Variants in ATPSCKMT observed in about 807,000 individuals in gnomAD.
ATPSCKMT encodes ATP synthase subunit C lysine N-methyltransferase.
In ATPSCKMT, 24 loss-of-function variants were observed where a neutral mutation model predicts 24.3. That is an observed-to-expected ratio of 0.99 (90% confidence interval 0.71 to 1.39). The LOEUF is 1.39. Ranked by LOEUF, ATPSCKMT falls within the 40% of genes most tolerant of loss-of-function variation. The pLI is 0.00. For synonymous variants in ATPSCKMT, 95 were observed against 110.5 expected (o/e 0.86, Z 0.88); for missense variants, 311 against 298.4 (o/e 1.04, Z -0.31).
At position 10,226,739 on chromosome 5, in the gene ATPSCKMT, C is replaced by T. The variant is rs1743897532; in HGVS notation, c.*702G>A. On this transcript the variant is annotated 3_prime_UTR_variant, in exon 5 of 5. Coordinates refer to ENST00000511437, the MANE Select transcript of ATPSCKMT (RefSeq NM_199133.4). ...GTTTTAGAAATTGGTCCCCACTCCACTGTTATGTGTACCATTATCCCAGTG... is the reference window on the plus strand; with the variant it reads ...GTTTTAGAAATTGGTCCCCACTCCATTGTTATGTGTACCATTATCCCAGTG... 6.6e-6 allele frequency: 1 copy of T among 152,236 alleles called. No individual in the cohort carries two copies. The highest frequency in any genetic ancestry group is 2.4e-5 in the African/African-American group (1 of 41,454). 9.4% of individuals were successfully genotyped at this position (152,236 alleles called of 1,614,324 possible).
chr5:10,243,751 T>C (rs2126461882), intron 1 of ATPSCKMT, among the ~76,000 whole-genome samples: 1 of 152,390 alleles, frequency 6.6e-6, no homozygotes, highest in South Asian at 2.1e-4. Context: ...GGCTTAAAGA[T>C]ATGATGTGGC....
intron 4 of ATPSCKMT, among the ~76,000 whole-genome samples, chr5:10,234,338 G>C (rs1744281706): frequency 6.6e-6 from 1 of 151,596 alleles, no homozygotes. Context: ...AAAAAAAAAA[G>C]AATATTTTAC....
intron 1 of ATPSCKMT, 113 bp downstream of exon 1, chr5:10,249,745 G>GC: frequency 6.9e-7 from 1 of 1,452,628 alleles, no homozygotes; most frequent in East Asian, 2.4e-5. Flanking sequence ...CAGAGCAGCC[G>GC]CCCGCACCCG....
At position 10,227,318 on chromosome 5, in the gene ATPSCKMT, AAGTAAT is replaced by A. The variant is rs1311920851; in HGVS notation, c.*117_*122del. Reference sequence around the variant, plus strand: ...GTTTGTTTTCTCCAACAGTTAAGGAAAGTAATAGTAATTTCTCATTCCAAACCAAAG... The same window carrying A: ...GTTTGTTTTCTCCAACAGTTAAGGAAAGTAATTTCTCATTCCAAACCAAAG... On this transcript the variant is annotated 3_prime_UTR_variant, in exon 5 of 5. Transcript: ENST00000511437. The A allele has an allele frequency of 9.3e-5, 91 of 982,620 alleles. No homozygotes were observed. The highest frequency in any genetic ancestry group is 2.1e-5 in the Non-Finnish European group (14 of 671,662). The allele number at this position is 982,620 out of a possible 1,614,324, so 60.9% of individuals were successfully genotyped here. A position where few individuals can be genotyped will look rare whatever the true frequency, so the allele number is the denominator to read the frequency against.
At chr5:10,236,830 GAC>G (rs1489757983) in intron 2 of ATPSCKMT, 10 of 1,485,872 alleles carry the variant, frequency 6.7e-6, no homozygotes, top group Non-Finnish European at 7.2e-6. Flanking sequence ...ATTGGTTAAA[GAC>G]TTCACCTCAA....
chr5:10,231,666 T>C (rs1410856566), intron 4 of ATPSCKMT, among the ~76,000 whole-genome samples: 2 of 152,132 alleles, frequency 1.3e-5, no homozygotes, highest in East Asian at 3.9e-4. Context: ...ACAGCACTTT[T>C]GCTTCTGCTG....
At chr5:10,236,696 A>G (rs1744390910) in intron 2 of ATPSCKMT, 81 bp from the exon 3 acceptor site, 5 of 1,558,266 alleles carry the variant, frequency 3.2e-6, no homozygotes, top group Non-Finnish European at 3.5e-6. Flanking sequence ...ATTTCCTATC[A>G]ATGGTTTAAA....
chr5:10,236,442 T>C, intron 3 of ATPSCKMT, 36 bp downstream of exon 3: 1 of 1,580,822 alleles, frequency 6.3e-7, no homozygotes, highest in Non-Finnish European at 8.6e-7. Flanking sequence ...AAATTTTCCC[T>C]TGGATTTCTC....
At chr5:10,247,343 C>T (rs1408000492) in intron 1 of ATPSCKMT, among the ~76,000 whole-genome samples, 1 of 152,130 alleles carries the variant, frequency 6.6e-6, no homozygotes, top group Non-Finnish European at 1.5e-5. Context: ...TCAGGAAAAA[C>T]AATTGATTCC....
chr5:10,246,564 A>G (rs1476333903), intron 1 of ATPSCKMT, among the ~76,000 whole-genome samples: 3 of 152,194 alleles, frequency 2.0e-5, no homozygotes, highest in Non-Finnish European at 4.4e-5. Context: ...TTCAAGATTC[A>G]TCCAGGTTGC....
At position 10,228,642 on chromosome 5, in the gene ATPSCKMT, C is replaced by T. The variant is rs564085887; in HGVS notation, c.496-995G>A. ...TAATTTCAAACTTCCAGAAAAGTTG[C>T]AATAACAGAACAAAGAACTCCTGTA... On this transcript the variant is annotated intron_variant, in intron 4 of 4. Coordinates refer to ENST00000511437, the MANE Select transcript of ATPSCKMT (RefSeq NM_199133.4). 3.3e-5 allele frequency among the ~76,000 whole-genome samples: 5 copies of T among 152,146 alleles called. No individual in the cohort carries two copies. The East Asian group carries it at 9.6e-4, about 29-fold the overall frequency.
At chr5:10,237,484 C>G (rs547278471) in intron 2 of ATPSCKMT, among the ~76,000 whole-genome samples, 1 of 152,260 alleles carries the variant, frequency 6.6e-6, no homozygotes, top group South Asian at 2.1e-4. Flanking sequence ...ATAATGGGGG[C>G]AGGTCTTTCC....
chr5:10,229,356 G>C (rs993830977), intron 4 of ATPSCKMT, among the ~76,000 whole-genome samples: 4 of 152,166 alleles, frequency 2.6e-5, no homozygotes, highest in Non-Finnish European at 5.9e-5. Context: ...GTCCTCTGAT[G>C]TGTGCTCATG....
chr5:10,238,919 T>C, intron 2 of ATPSCKMT, 148 bp downstream of exon 2: 1 of 945,952 alleles, frequency 1.1e-6, no homozygotes, highest in Non-Finnish European at 1.5e-6. Context: ...CACTGGTAGT[T>C]GAATAGTTTG....
chr5:10,230,436 T>C (rs906217601), intron 4 of ATPSCKMT, among the ~76,000 whole-genome samples: 3 of 152,210 alleles, frequency 2.0e-5, no homozygotes, highest in African/African-American at 7.2e-5. Flanking sequence ...TATAGTTTCT[T>C]TTATTTCCAA....
Position 10,227,372 on chromosome 5 carries a change from G to T in ATPSCKMT, c.*69C>A. 1 of 1,508,916 alleles carries T rather than the reference G, an allele frequency of 6.6e-7. No individual in the cohort carries two copies. The highest frequency in any genetic ancestry group is 1.1e-5 in the South Asian group (1 of 88,274). The allele number at this position is 1,508,916 out of a possible 1,614,324, so 93.5% of individuals were successfully genotyped here. ...AAGACAATTATGCTCCTTTGCTAAGGACACAGCTGTAAGTCTCTACAAGAT... is the reference window on the plus strand; with the variant it reads ...AAGACAATTATGCTCCTTTGCTAAGTACACAGCTGTAAGTCTCTACAAGAT... On this transcript the variant is annotated 3_prime_UTR_variant, in exon 5 of 5. Transcript: ENST00000511437.
At chr5:10,249,802 C>A in intron 1 of ATPSCKMT, 56 bp downstream of exon 1, 2 of 1,519,616 alleles carry the variant, frequency 1.3e-6, no homozygotes, top group Non-Finnish European at 8.8e-7. Flanking sequence ...GAGCCCCCGG[C>A]CCGCCCGCAC....
Position 10,236,546 on chromosome 5 carries a change from A to G in ATPSCKMT, c.376T>C (p.Ser126Pro), listed in dbSNP as rs773544670. The change falls in exon 3 of 5, where the codon TCC becomes CCC. Residue 126 changes from serine (S) to proline (P), a missense_variant. Coordinates refer to ENST00000511437, the MANE Select transcript of ATPSCKMT (RefSeq NM_199133.4). ...YELNPWLVWY[S>P]RYRAWREGVH... Reference sequence around the variant, plus strand: ...CCTTCTCGCCAAGCGCGGTATCTGGAATACCAAACTAGCCATGGGTTTAAT... The same window carrying G: ...CCTTCTCGCCAAGCGCGGTATCTGGGATACCAAACTAGCCATGGGTTTAAT... The G allele has an allele frequency of 8.1e-6, 13 of 1,614,224 alleles. No individual in the cohort carries two copies. Among genetic ancestry groups the G allele is most frequent in the Middle Eastern group, 3.3e-4 (2 of 6,062 alleles).
Position 10,227,293 on chromosome 5 carries a change from G to A in ATPSCKMT, c.*148C>T, listed in dbSNP as rs761310383. On this transcript the variant is annotated 3_prime_UTR_variant, in exon 5 of 5. Transcript: ENST00000511437. ...ATTTTAAATCTACCTGTTTTTCTTC[G>A]TTTGTTTTCTCCAACAGTTAAGGAA... The A allele has an allele frequency of 3.8e-5, 31 of 820,084 alleles. No individual in the cohort carries two copies. The highest frequency in any genetic ancestry group is 2.2e-4 in the East Asian group (8 of 36,786). The allele number at this position is 820,084 out of a possible 1,614,324, so 50.8% of individuals were successfully genotyped here.
Sources: gnomAD v4.1 joint callset for allele counts (sites outside exome capture counted in the v4.1 genomes callset) on GRCh38, gnomAD v4.1.1 for gene constraint, MANE v1.5 for transcripts, NCBI Gene and HGNC (gene_info 2026-07-23, HGNC 2026-07-21) for gene names.